Variants in OSTF1 observed in about 807,000 individuals in gnomAD.
OSTF1 encodes osteoclast-stimulating factor 1.
OSTF1 carries 27 observed loss-of-function variants against 37.2 expected under a neutral mutation model. The observed-to-expected ratio is 0.73, with a 90% confidence interval of 0.54 to 1.00. The LOEUF (loss-of-function observed/expected upper bound fraction) is 1.00. OSTF1 is among the 50% of genes least tolerant of loss of function. OSTF1 has a pLI of 0.00. For synonymous variants in OSTF1, 82 were observed against 89.2 expected, an observed-to-expected ratio of 0.92 and a Z score of 0.46; for missense variants, 232 against 253.8, an observed-to-expected ratio of 0.91 and a Z score of 0.58.
chr9:75,129,864 C>A (rs184355083), intron 3 of OSTF1, among the ~76,000 whole-genome samples: 1 of 152,076 alleles, frequency 6.6e-6, no homozygotes, highest in African/African-American at 2.4e-5. Context: ...TGAGTATCGA[C>A]CTAGATATTT....
chr9:75,095,873 T>C (rs1977240), intron 1 of OSTF1, among the ~76,000 whole-genome samples: 116,938 of 151,714 alleles, frequency 0.77, 45,468 homozygotes, highest in African/African-American at 0.87. Context: ...AAACAAGTTA[T>C]TGGTGTGACT....
chr9:75,096,747 A>T (rs1825093566), intron 1 of OSTF1, among the ~76,000 whole-genome samples: 1 of 152,184 alleles, frequency 6.6e-6, no homozygotes, highest in South Asian at 2.1e-4. Context: ...ATTTGGGGAG[A>T]AGACGCTTCC....
In OSTF1 at chr9:75,146,941, A is replaced by G. The variant is rs1052199; in HGVS notation, c.*200A>G. 263,054 of 397,370 alleles carry G rather than the reference A, an allele frequency of 0.66. 87,731 individuals are homozygous for G. Among genetic ancestry groups the G allele is most frequent in the Non-Finnish European group, 0.69 (155,335 of 225,750 alleles). 24.6% of individuals were successfully genotyped at this position (397,370 alleles called of 1,614,324 possible). ...AAGTGACTGGATTCTTGGCACATTT[A>G]TGTTCACCAAAGTAGAACAAGAAGA... On this transcript the variant is annotated 3_prime_UTR_variant, in exon 10 of 10. Transcript: ENST00000346234.
intron 7 of OSTF1, among the ~76,000 whole-genome samples, chr9:75,135,041 G>C (rs192315178): frequency 2.0e-5 from 3 of 152,164 alleles, no homozygotes; most frequent in Admixed American, 2.0e-4. Context: ...TCATTCTCCA[G>C]TCTGAGCAGC....
chr9:75,108,403 C>A (rs1355591337), intron 1 of OSTF1, among the ~76,000 whole-genome samples: 1 of 151,196 alleles, frequency 6.6e-6, no homozygotes, highest in Non-Finnish European at 1.5e-5. Flanking sequence ...GGACTGAAAT[C>A]ATTTTCTTCA....
chr9:75,094,633 C>A (rs1362926831), intron 1 of OSTF1, among the ~76,000 whole-genome samples: 5 of 151,612 alleles, frequency 3.3e-5, no homozygotes, highest in Non-Finnish European at 7.4e-5. Flanking sequence ...AAGTTGTCCT[C>A]ACTTGCTTAA....
chr9:75,109,474 A>T (rs1476937815), intron 1 of OSTF1, among the ~76,000 whole-genome samples: 1 of 152,242 alleles, frequency 6.6e-6, no homozygotes, highest in East Asian at 1.9e-4. Flanking sequence ...CATGCCCAAT[A>T]AGACAAAATT....
chr9:75,102,397 A>T (rs1325509394), intron 1 of OSTF1, among the ~76,000 whole-genome samples: 1 of 152,244 alleles, frequency 6.6e-6, no homozygotes, highest in African/African-American at 2.4e-5. Flanking sequence ...AAGTCAGTAA[A>T]ATTAGTCATG....
At chr9:75,092,868 C>T (rs1289421924) in intron 1 of OSTF1, among the ~76,000 whole-genome samples, 2 of 152,010 alleles carry the variant, frequency 1.3e-5, no homozygotes, top group Non-Finnish European at 2.9e-5. Context: ...GCAGTTTGAC[C>T]TTTCCTTGCT....
At chr9:75,142,854 T>C (rs753748210) in intron 9 of OSTF1, among the ~76,000 whole-genome samples, 2 of 152,222 alleles carry the variant, frequency 1.3e-5, no homozygotes, top group Admixed American at 6.5e-5. Context: ...GTGATCCTCA[T>C]TGGAATAGGT....
chr9:75,098,680 A>C (rs1825132748), intron 1 of OSTF1, among the ~76,000 whole-genome samples: 1 of 152,208 alleles, frequency 6.6e-6, no homozygotes, highest in South Asian at 2.1e-4. Context: ...TTCTCTGTGC[A>C]AAATATCATT....
intron 9 of OSTF1, among the ~76,000 whole-genome samples, chr9:75,144,105 C>T (rs1422515007): frequency 6.6e-6 from 1 of 152,206 alleles, no homozygotes; most frequent in African/African-American, 2.4e-5. Flanking sequence ...TAGAAAGCTA[C>T]ATTTTACCAA....
chr9:75,138,046 T>C (rs1825870934), intron 8 of OSTF1, among the ~76,000 whole-genome samples: 1 of 152,240 alleles, frequency 6.6e-6, no homozygotes, highest in Non-Finnish European at 1.5e-5. Flanking sequence ...TGCTTTGAGC[T>C]GAGCAGGTGC....
In OSTF1 at chr9:75,127,641, T is replaced by C. The variant is rs750929961; in HGVS notation, c.132+22T>C. The C allele has an allele frequency of 3.1e-6, 4 of 1,302,226 alleles. No homozygotes were observed. The East Asian group carries it at 7.1e-5, about 23-fold the overall frequency. The allele number at this position is 1,302,226 out of a possible 1,614,324, so 80.7% of individuals were successfully genotyped here. A position where few individuals can be genotyped will look rare whatever the true frequency, so the allele number is the denominator to read the frequency against. On this transcript the variant is annotated intron_variant, in intron 3 of 9. Coordinates refer to ENST00000346234, the MANE Select transcript of OSTF1 (RefSeq NM_012383.5). Reference sequence around the variant, plus strand: ...CATGGTAAGTCCAGATAACATCTTGTAATACCACATATAAAGACTGTTTTA... The same window carrying C: ...CATGGTAAGTCCAGATAACATCTTGCAATACCACATATAAAGACTGTTTTA...
Position 75,131,784 on chromosome 9 carries a change from G to C in OSTF1, c.211G>C (p.Glu71Gln). 1 of 1,613,586 alleles carries C rather than the reference G, an allele frequency of 6.2e-7. No homozygotes were observed. Residue 71 changes from glutamate to glutamine, a missense_variant, in exon 5 of 10, where the codon GAA (glutamate) becomes CAA (glutamine). Coordinates refer to ENST00000346234, the MANE Select transcript of OSTF1 (RefSeq NM_012383.5). ...TTTCAATCTAGTGGCTGAGCAGGCA[G>C]AATCCATTGACAATCCATTGCATGA... ...IPSNYVAEQA[E>Q]SIDNPLHEAA... is the part of the protein sequence containing the mutation.
chr9:75,133,263 T>C (rs1825792930), intron 5 of OSTF1, 31 bp from the exon 6 acceptor site: 1 of 1,325,664 alleles, frequency 7.5e-7, no homozygotes, highest in Non-Finnish European at 1.1e-6. Context: ...GCTTTTTTTC[T>C]TGTGTTCTTG....
rs571002662 is a variant in OSTF1 at position 75,098,016 on chromosome 9, C to T, written c.34+9290C>T. 9.2e-5 allele frequency among the ~76,000 whole-genome samples: 14 copies of T among 152,194 alleles called. 1 individual carries two copies. Among genetic ancestry groups the T allele is most frequent in the African/African-American group, 3.4e-4 (14 of 41,512 alleles). ...AGGACTGCAGTTGTGCATCACCATG[C>T]CTGGCTAATTTTTGTATTTTTTGTA... On this transcript the variant is annotated intron_variant, in intron 1 of 9. Coordinates refer to ENST00000346234, the MANE Select transcript of OSTF1 (RefSeq NM_012383.5).
intron 9 of OSTF1, among the ~76,000 whole-genome samples, chr9:75,144,451 C>T (rs537534695): frequency 6.6e-6 from 1 of 152,234 alleles, no homozygotes; most frequent in African/African-American, 2.4e-5. Flanking sequence ...ACTTGGGAGG[C>T]TGAGGTGGGA....
chr9:75,091,895 T>G (rs1161279362), intron 1 of OSTF1, among the ~76,000 whole-genome samples: 1 of 152,236 alleles, frequency 6.6e-6, no homozygotes, highest in Non-Finnish European at 1.5e-5. Flanking sequence ...ATGTGTCACT[T>G]ACTCTGAAAA....
Sources: allele counts gnomAD v4.1 joint callset (sites outside exome capture counted in the v4.1 genomes callset), GRCh38; gene constraint gnomAD v4.1.1; transcripts MANE v1.5; gene names NCBI Gene and HGNC (gene_info 2026-07-23, HGNC 2026-07-21).